Variants in BRIP1 observed in about 807,000 individuals in gnomAD.
BRIP1 encodes Fanconi anemia group J protein.
Under a neutral mutation model 119.7 loss-of-function variants are expected in BRIP1, and 88 were observed. That is an observed-to-expected ratio of 0.74 (90% CI 0.62 to 0.88). The LOEUF (loss-of-function observed/expected upper bound fraction) is 0.88. Among genes scored for constraint, BRIP1 ranks in the 40% least tolerant of loss-of-function variants. BRIP1 has a pLI of 0.00. For missense variants in BRIP1, 1,259 were observed against 1,455.4 expected (o/e 0.87, Z 2.20); for synonymous variants, 443 against 496.5 (o/e 0.89, Z 1.43).
chr17:61,846,170 G>A lies in BRIP1; in HGVS notation c.627+931C>T, dbSNP rs1466232706. 2.0e-5 allele frequency among the ~76,000 whole-genome samples: 3 copies of A among 150,704 alleles called. No homozygotes were observed. The highest frequency in any genetic ancestry group is 1.9e-4 in the East Asian group (1 of 5,134). On this transcript the variant is annotated intron_variant, in intron 6 of 19. Coordinates refer to ENST00000259008, the MANE Select transcript of BRIP1 (RefSeq NM_032043.3). The surrounding 1 kb of genome is among the most constrained non-coding windows in gnomAD (Gnocchi z 4.3). The stretch of plus-strand genomic sequence containing the variant: ...GCACTTCCAGCCTGGGTGACAGAGC[G>A]ATACTCCGTCTCAAAAAAAAATTAA...
intron 1 of BRIP1, 136 bp downstream of exon 1, chr17:61,863,148 G>A (rs1248239133): frequency 6.6e-6 from 1 of 152,110 alleles, no homozygotes; most frequent in Non-Finnish European, 1.5e-5. Flanking sequence ...TCCCTCCTCA[G>A]GTTTTCTGCC....
chr17:61,753,521 A>C lies in BRIP1; in HGVS notation c.2098-8930T>G, dbSNP rs2077160402. 6.6e-6 allele frequency among the ~76,000 whole-genome samples: 1 copy of C among 152,196 alleles called. No homozygotes were observed. Among genetic ancestry groups the C allele is most frequent in the African/African-American group, 2.4e-5 (1 of 41,448 alleles). On this transcript the variant is annotated intron_variant, in intron 14 of 19. Transcript: ENST00000259008. The surrounding 1 kb of genome is among the most constrained non-coding windows in gnomAD (Gnocchi z 4.6). ...GCATGACAAAAGATAAAACTAAAAA[A>C]GAATGTATAGAGATGAGATTGCCTA...
At chr17:61,786,855 A>G (rs1401543981) in intron 10 of BRIP1, among the ~76,000 whole-genome samples, 1 of 127,198 alleles carries the variant, frequency 7.9e-6, no homozygotes, top group African/African-American at 3.0e-5. Flanking sequence ...TATAAAATAT[A>G]TATTCATATA....
At chr17:61,718,934 T>C (rs1172835120) in intron 16 of BRIP1, among the ~76,000 whole-genome samples, 2 of 152,216 alleles carry the variant, frequency 1.3e-5, no homozygotes, top group Admixed American at 6.5e-5. Flanking sequence ...GCTAATATGA[T>C]GTAAAGCTAT....
In BRIP1 at chr17:61,796,930, A is replaced by C. The variant is rs1373047332; in HGVS notation, c.1340+2170T>G. Reference sequence around the variant, plus strand: ...AGGTGAGGCAGTAAGGATATTATTAAGGATAGTATTTAACTTTTTTACTTG... The same window carrying C: ...AGGTGAGGCAGTAAGGATATTATTACGGATAGTATTTAACTTTTTTACTTG... On this transcript the variant is annotated intron_variant, in intron 9 of 19. Transcript: ENST00000259008. The surrounding 1 kb of genome is among the most constrained non-coding windows in gnomAD (Gnocchi z 4.8). 3.3e-5 allele frequency among the ~76,000 whole-genome samples: 5 copies of C among 152,068 alleles called. No individual in the cohort carries two copies. Among genetic ancestry groups the C allele is most frequent in the Admixed American group, 3.3e-4 (5 of 15,232 alleles).
intron 17 of BRIP1, among the ~76,000 whole-genome samples, chr17:61,707,544 C>T (rs186608525): frequency 3.9e-5 from 6 of 152,264 alleles, no homozygotes; most frequent in Non-Finnish European, 7.4e-5. Context: ...TTATTGCATA[C>T]TGATCCTCTA....
rs79032394 is a variant in BRIP1 at position 61,838,864 on chromosome 17, G to C, written c.627+8237C>G. ...TTTTTTTCAATTACTTTATCCAAAA[G>C]TTTTGGCAATAAACTCATTTCAAAA... On this transcript the variant is annotated intron_variant, in intron 6 of 19. Transcript: ENST00000259008. Among the ~76,000 whole-genome samples, 1,508 of 151,864 alleles carry C rather than the reference G, an allele frequency of 9.9e-3. 17 individuals are homozygous for C. The highest frequency in any genetic ancestry group is 0.034 in the African/African-American group (1,406 of 41,470).
At position 61,831,467 on chromosome 17, in the gene BRIP1, T is replaced by C. The variant is rs887731874; in HGVS notation, c.627+15634A>G. On this transcript the variant is annotated intron_variant, in intron 6 of 19. Transcript: ENST00000259008. This position sits in a 1 kb window ranked among gnomAD's most constrained non-coding sequence, Gnocchi z 4.1. ...TAGTAATGAATAACTGGAAGGAAAT[T>C]ATAAGTGGAATCATACAATATCTGT... Among the ~76,000 whole-genome samples, 3 of 152,202 alleles carry C rather than the reference T, an allele frequency of 2.0e-5. No homozygotes were observed. Among genetic ancestry groups the C allele is most frequent in the African/African-American group, 7.2e-5 (3 of 41,460 alleles).
rs969896897 is a variant in BRIP1, at chr17:61,843,083, G to A, written c.627+4018C>T. On this transcript the variant is annotated intron_variant, in intron 6 of 19. Transcript: ENST00000259008. This position sits in a 1 kb window ranked among gnomAD's most constrained non-coding sequence, Gnocchi z 5.7. ...ACAACATGGATGAACCTGGAGGGAG[G>A]ACATTATGCAAAGTGAAATATGTCA... Among the ~76,000 whole-genome samples, 1 of 152,176 alleles carries A rather than the reference G, an allele frequency of 6.6e-6. No individual in the cohort carries two copies. Among genetic ancestry groups the A allele is most frequent in the Non-Finnish European group, 1.5e-5 (1 of 68,028 alleles).
At position 61,841,858 on chromosome 17, in the gene BRIP1, T is replaced by A. The variant is rs1361328759; in HGVS notation, c.627+5243A>T. Among the ~76,000 whole-genome samples, 1 of 152,070 alleles carries A rather than the reference T, an allele frequency of 6.6e-6. No homozygotes were observed. The highest frequency in any genetic ancestry group is 2.4e-5 in the African/African-American group (1 of 41,398). ...CACGCCTGGCTAATTTTTTTAAAAA[T>A]TTTGTACAGATGGGGTTCTCGCTAT... On this transcript the variant is annotated intron_variant, in intron 6 of 19. Transcript: ENST00000259008. This position sits in a 1 kb window ranked among gnomAD's most constrained non-coding sequence, Gnocchi z 4.1.
In BRIP1 at chr17:61,758,393, G is replaced by A. The variant is rs998433302; in HGVS notation, c.2098-13802C>T. On this transcript the variant is annotated intron_variant, in intron 14 of 19. Transcript: ENST00000259008. The surrounding 1 kb of genome is among the most constrained non-coding windows in gnomAD (Gnocchi z 5.3). ...TGCACTATTAGAATTCAGGCTGAGG[G>A]AAGCAGATGAATAAGAAGCAACCAC... is the stretch of plus-strand genomic sequence containing the variant. Among the ~76,000 whole-genome samples, 28 of 152,194 alleles carry A rather than the reference G, an allele frequency of 1.8e-4. No individual in the cohort carries two copies. The highest frequency in any genetic ancestry group is 6.8e-4 in the African/African-American group (28 of 41,452).
Position 61,859,708 on chromosome 17 carries a change from C to A in BRIP1, c.205+88G>T, listed in dbSNP as rs2078946934. On this transcript the variant is annotated intron_variant, in intron 3 of 19. Coordinates refer to ENST00000259008, the MANE Select transcript of BRIP1 (RefSeq NM_032043.3). ...AAACAAATATTTAAGTTAGCGACAG[C>A]ATGGCTGAACCAGTCTGGATAAAGA... 5 of 848,302 alleles carry A rather than the reference C, an allele frequency of 5.9e-6. No individual in the cohort carries two copies. In the South Asian group the frequency reaches 6.9e-5, roughly 12 times the overall value. 52.5% of individuals were successfully genotyped at this position (848,302 alleles called of 1,614,324 possible).
At chr17:61,837,741 G>A (rs1247738107) in intron 6 of BRIP1, among the ~76,000 whole-genome samples, 1 of 151,956 alleles carries the variant, frequency 6.6e-6, no homozygotes, top group Non-Finnish European at 1.5e-5. Context: ...TGACCATGTG[G>A]AGACAGATGC....
chr17:61,810,471 T>C lies in BRIP1; in HGVS notation c.628-1714A>G, dbSNP rs914394131. On this transcript the variant is annotated intron_variant, in intron 6 of 19. Coordinates refer to ENST00000259008, the MANE Select transcript of BRIP1 (RefSeq NM_032043.3). This position sits in a 1 kb window ranked among gnomAD's most constrained non-coding sequence, Gnocchi z 4.7. ...AACTCAATTAGAATTAATTTACTTT[T>C]TCATACCATCAATTTTTTCCCTCAA... 6.6e-6 allele frequency among the ~76,000 whole-genome samples: 1 copy of C among 152,216 alleles called. No individual in the cohort carries two copies. The highest frequency in any genetic ancestry group is 1.5e-5 in the Non-Finnish European group (1 of 68,032).
At position 61,846,024 on chromosome 17, in the gene BRIP1, T is replaced by C. The variant is rs2078722954; in HGVS notation, c.627+1077A>G. Among the ~76,000 whole-genome samples, 1 of 151,556 alleles carries C rather than the reference T, an allele frequency of 6.6e-6. No individual in the cohort carries two copies. Among genetic ancestry groups the C allele is most frequent in the African/African-American group, 2.4e-5 (1 of 41,244 alleles). ...GGTGAAACCCCGTCTCTACTAAAAATACAAAAAATTAGCCAGGCGTGGTGG... is the reference window on the plus strand; with the variant it reads ...GGTGAAACCCCGTCTCTACTAAAAACACAAAAAATTAGCCAGGCGTGGTGG... On this transcript the variant is annotated intron_variant, in intron 6 of 19. Coordinates refer to ENST00000259008, the MANE Select transcript of BRIP1 (RefSeq NM_032043.3). This position sits in a 1 kb window ranked among gnomAD's most constrained non-coding sequence, Gnocchi z 4.3.
intron 10 of BRIP1, among the ~76,000 whole-genome samples, chr17:61,788,329 GGAA>G (rs2077764786): frequency 6.6e-6 from 1 of 151,874 alleles, no homozygotes; most frequent in African/African-American, 2.4e-5. Flanking sequence ...TTGAAAGATA[GGAA>G]AAAATAATGA....
chr17:61,693,610 T>A lies in BRIP1; in HGVS notation c.2493-98A>T. The stretch of plus-strand genomic sequence containing the variant: ...GAAAATTGGAAAAAAATCAATTTTA[T>A]AGATTCCTTTAAACAATTTGTTATT... On this transcript the variant is annotated intron_variant, in intron 17 of 19. Transcript: ENST00000259008. This position sits in a 1 kb window ranked among gnomAD's most constrained non-coding sequence, Gnocchi z 4.2. 2.1e-6 allele frequency: 2 copies of A among 969,862 alleles called. No homozygotes were observed. The highest frequency in any genetic ancestry group is 1.3e-5 in the South Asian group (1 of 74,126). 60.1% of individuals were successfully genotyped at this position (969,862 alleles called of 1,614,324 possible).
Position 61,729,861 on chromosome 17 carries a change from C to T in BRIP1, c.2379+13152G>A, listed in dbSNP as rs1240233517. On this transcript the variant is annotated intron_variant, in intron 16 of 19. Coordinates refer to ENST00000259008, the MANE Select transcript of BRIP1 (RefSeq NM_032043.3). This position sits in a 1 kb window ranked among gnomAD's most constrained non-coding sequence, Gnocchi z 5.6. ...TTATCACAACTGGTGGCAGGGTGACCGTGGGGGGTGTCTAGATCCCACTAC... is the reference window on the plus strand; with the variant it reads ...TTATCACAACTGGTGGCAGGGTGACTGTGGGGGGTGTCTAGATCCCACTAC... 6.6e-6 allele frequency among the ~76,000 whole-genome samples: 1 copy of T among 151,716 alleles called. No homozygotes were observed. The highest frequency in any genetic ancestry group is 1.5e-5 in the Non-Finnish European group (1 of 67,966).
chr17:61,835,363 T>TA (rs2078556220), intron 6 of BRIP1, among the ~76,000 whole-genome samples: 1 of 151,876 alleles, frequency 6.6e-6, no homozygotes, highest in Non-Finnish European at 1.5e-5. Flanking sequence ...AAAAAATAAA[T>TA]ACTGGTTTGG....
Sources: gnomAD v4.1 joint callset for allele counts (sites outside exome capture counted in the v4.1 genomes callset) on GRCh38, gnomAD v4.1.1 for gene constraint, Gnocchi (gnomAD v3.1) non-coding constraint, MANE v1.5 for transcripts, NCBI Gene and HGNC (gene_info 2026-07-23, HGNC 2026-07-21) for gene names.